The following HMGA2 variants were observed in gnomAD, a reference collection of about 807,000 sequenced individuals.
HMGA2 encodes the protein high mobility group AT-hook 2, also known as high mobility group protein HMGI-C.
In HMGA2, 8 loss-of-function variants were observed where a neutral mutation model predicts 19.1. That is an observed-to-expected ratio of 0.42 (90% CI 0.25 to 0.76). HMGA2 has a LOEUF of 0.76. HMGA2 is among the 30% of genes least tolerant of loss of function. The probability of loss-of-function intolerance (pLI) is 0.28; values close to 1 mark genes in which losing one functional copy is unlikely to be tolerated. For synonymous variants in HMGA2, 60 were observed against 48.8 expected (o/e 1.23, Z -0.96); for missense variants, 109 against 136.3 (o/e 0.80, Z 1.00).
At chr12:65,885,837 T>A (rs1873633543) in intron 3 of HMGA2, among the ~76,000 whole-genome samples, 1 of 152,238 alleles carries the variant, frequency 6.6e-6, no homozygotes, top group South Asian at 2.1e-4. Flanking sequence ...TTTGAGCTGA[T>A]GATATCAACT....
intron 3 of HMGA2, among the ~76,000 whole-genome samples, chr12:65,922,232 C>G (rs1226582808): frequency 2.0e-5 from 3 of 152,116 alleles, no homozygotes; most frequent in Non-Finnish European, 2.9e-5. Context: ...CACTATGTGT[C>G]TGGAAAAGCC....
At chr12:65,837,117 T>C (rs1183922625) in intron 2 of HMGA2, among the ~76,000 whole-genome samples, 1 of 152,210 alleles carries the variant, frequency 6.6e-6, no homozygotes, top group Non-Finnish European at 1.5e-5. Context: ...ATAAGGCTGC[T>C]GTAAGGATTA....
chr12:65,937,135 T>C (rs1293664826), intron 3 of HMGA2, among the ~76,000 whole-genome samples: 2 of 152,218 alleles, frequency 1.3e-5, no homozygotes, highest in East Asian at 3.8e-4. Context: ...AAATTAATTT[T>C]TTTTTAAAAG....
At chr12:65,909,145 A>G (rs1874732272) in intron 3 of HMGA2, among the ~76,000 whole-genome samples, 1 of 152,248 alleles carries the variant, frequency 6.6e-6, no homozygotes, top group African/African-American at 2.4e-5. Context: ...AATAATTTTA[A>G]TAACAGAAAG....
intron 3 of HMGA2, among the ~76,000 whole-genome samples, chr12:65,922,841 A>G (rs954154466): frequency 6.6e-6 from 1 of 152,136 alleles, no homozygotes; most frequent in African/African-American, 2.4e-5. Flanking sequence ...TGCTATTCTC[A>G]TGATAGTGAA....
chr12:65,867,825 C>A (rs1379606317), intron 3 of HMGA2: 1 of 165,022 alleles, frequency 6.1e-6, no homozygotes, highest in East Asian at 1.6e-4. Flanking sequence ...CGTGCCTTTT[C>A]TTTCTTACAC....
At chr12:65,838,390 A>G in intron 2 of HMGA2, 129 bp from the exon 3 acceptor site, 1 of 700,700 alleles carries the variant, frequency 1.4e-6, no homozygotes, top group South Asian at 1.7e-5. Context: ...TTGTTAAAAA[A>G]AACAAAAAAA....
Position 65,842,755 on chromosome 12 carries a change from C to A in HMGA2, c.249+4186C>A. ...CTTCTATAGAATTCCATTAGCCAGT[C>A]CTGCCAATTGAAATTTGGCATTTAA... On this transcript the variant is annotated intron_variant, in intron 3 of 4. Transcript: ENST00000403681. 2.9e-6 allele frequency: 4 copies of A among 1,379,916 alleles called. No individual in the cohort carries two copies. The South Asian group carries it at 5.7e-5, about 20-fold the overall frequency. The allele number at this position is 1,379,916 out of a possible 1,614,324, so 85.5% of individuals were successfully genotyped here.
chr12:65,866,165 C>T (rs1173043565), intron 3 of HMGA2, among the ~76,000 whole-genome samples: 1 of 152,160 alleles, frequency 6.6e-6, no homozygotes, highest in Non-Finnish European at 1.5e-5. Flanking sequence ...ACTCAGCAAA[C>T]ATTTAGCCCA....
At chr12:65,864,654 C>T (rs555109572) in intron 3 of HMGA2, among the ~76,000 whole-genome samples, 3 of 152,240 alleles carry the variant, frequency 2.0e-5, no homozygotes, top group African/African-American at 7.2e-5. Flanking sequence ...TGTTCATATA[C>T]TCCTCTTTTC....
intron 3 of HMGA2, among the ~76,000 whole-genome samples, chr12:65,919,871 T>A (rs372656125): frequency 6.6e-6 from 1 of 152,214 alleles, no homozygotes; most frequent in Non-Finnish European, 1.5e-5. Flanking sequence ...GATTCAAAGC[T>A]TCTTACAAAG....
intron 3 of HMGA2, among the ~76,000 whole-genome samples, chr12:65,949,278 T>TA (rs898850379): frequency 1.0e-3 from 150 of 143,742 alleles, no homozygotes; most frequent in Non-Finnish European, 1.5e-3. Flanking sequence ...TCTGTCCATC[T>TA]AAAAAAAAAA....
intron 3 of HMGA2, among the ~76,000 whole-genome samples, chr12:65,949,054 A>C (rs1370368888): frequency 6.6e-6 from 1 of 152,178 alleles, no homozygotes; most frequent in Non-Finnish European, 1.5e-5. Flanking sequence ...CTTCTTCCAA[A>C]TGACCCTTTG....
At chr12:65,861,918 C>T (rs1456846969) in intron 3 of HMGA2, among the ~76,000 whole-genome samples, 5 of 150,784 alleles carry the variant, frequency 3.3e-5, no homozygotes, top group Non-Finnish European at 7.4e-5. Flanking sequence ...GATCTCGGCT[C>T]ACTGCAACCT....
At chr12:65,862,233 T>C (rs1872130027) in intron 3 of HMGA2, among the ~76,000 whole-genome samples, 1 of 151,728 alleles carries the variant, frequency 6.6e-6, no homozygotes, top group Non-Finnish European at 1.5e-5. Context: ...TGGATATACT[T>C]ACCTTTTTTC....
chr12:65,854,376 G>A (rs1565708946), intron 3 of HMGA2, among the ~76,000 whole-genome samples: 1 of 152,102 alleles, frequency 6.6e-6, no homozygotes, highest in African/African-American at 2.4e-5. Context: ...TGTGGGCTTT[G>A]ACCAGTTTTC....
At chr12:65,919,013 G>C (rs1393200274) in intron 3 of HMGA2, among the ~76,000 whole-genome samples, 2 of 152,116 alleles carry the variant, frequency 1.3e-5, no homozygotes, top group East Asian at 3.9e-4. Flanking sequence ...CTCTCAGCAG[G>C]ATGAAAAAGA....
chr12:65,955,005 G>GC (rs369888782), intron 4 of HMGA2: 38 of 152,168 alleles, frequency 2.5e-4, no homozygotes, highest in African/African-American at 8.4e-4. Flanking sequence ...ACATGGTGAA[G>GC]CCCCATCTCT....
At chr12:65,894,142 G>A (rs1295008835) in intron 3 of HMGA2, among the ~76,000 whole-genome samples, 1 of 152,114 alleles carries the variant, frequency 6.6e-6, no homozygotes, top group Non-Finnish European at 1.5e-5. Context: ...GATATTCACT[G>A]CATTTTTTTC....
Sources: allele counts gnomAD v4.1 joint callset (sites outside exome capture counted in the v4.1 genomes callset), GRCh38; gene constraint gnomAD v4.1.1; transcripts MANE v1.5; gene names NCBI Gene and HGNC (gene_info 2026-07-23, HGNC 2026-07-21).